The following KIAA1217 variants were observed in gnomAD, a reference collection of about 807,000 sequenced individuals.
The protein encoded by KIAA1217 is KIAA1217.
KIAA1217 carries 88 observed loss-of-function variants against 163.9 expected under a neutral mutation model. That is an observed-to-expected ratio of 0.54 (90% CI 0.45 to 0.64). The LOEUF (loss-of-function observed/expected upper bound fraction) is 0.64, where lower values mean the gene tolerates loss of function less well. Among genes scored for constraint, KIAA1217 ranks in the 30% least tolerant of loss-of-function variants. KIAA1217 has a pLI of 0.00. For missense variants in KIAA1217, 2,372 were observed against 2,475.0 expected (o/e 0.96, Z 0.88); for synonymous variants, 903 against 923.1 (o/e 0.98, Z 0.39).
rs1564869428 is a variant in KIAA1217 at position 24,528,102 on chromosome 10, A to C, written c.3065A>C (p.Asp1022Ala). The change falls in exon 14 of 21, where the codon GAC becomes GCC. Residue 1022 changes from aspartate to alanine, a missense_variant. By Grantham distance (126) the Asp-to-Ala change is moderately radical. Transcript: ENST00000376454. ...CTGCCAAGGGGAGATGCCCCAGTGG[A>C]CAAGGTGGAACTTTCAGGTAAGTTC... ...GPLPRGDAPV[D>A]KVELSEDSPN... 6 of 1,613,962 alleles carry C rather than the reference A, an allele frequency of 3.7e-6. No homozygotes were observed. The highest frequency in any genetic ancestry group is 1.7e-4 in the Middle Eastern group (1 of 6,056).
intron 1 of KIAA1217, among the ~76,000 whole-genome samples, chr10:23,773,961 T>A (rs1293829630): frequency 3.9e-5 from 6 of 152,164 alleles, no homozygotes; most frequent in Non-Finnish European, 7.3e-5. Flanking sequence ...TTCCTTCTCC[T>A]GCCTAATTGC....
At chr10:23,839,290 T>G (rs1213562968) in intron 1 of KIAA1217, among the ~76,000 whole-genome samples, 1 of 152,222 alleles carries the variant, frequency 6.6e-6, no homozygotes, top group East Asian at 1.9e-4. Flanking sequence ...ACAATCTTCT[T>G]GTGAATCTTG....
At chr10:24,444,209 A>T (rs2060732680) in intron 5 of KIAA1217, among the ~76,000 whole-genome samples, 1 of 152,114 alleles carries the variant, frequency 6.6e-6, no homozygotes, top group Non-Finnish European at 1.5e-5. Context: ...ACGGGGTTTC[A>T]CCACGTTGAC....
intron 2 of KIAA1217, among the ~76,000 whole-genome samples, chr10:24,376,848 C>T (rs1162991089): frequency 6.6e-6 from 1 of 152,254 alleles, no homozygotes; most frequent in East Asian, 1.9e-4. Flanking sequence ...TTGCTCCTTT[C>T]ATTTGGTAGA....
chr10:23,858,503 C>T (rs781008935), intron 1 of KIAA1217, among the ~76,000 whole-genome samples: 12 of 151,762 alleles, frequency 7.9e-5, no homozygotes, highest in Non-Finnish European at 1.6e-4. Context: ...ACACACACAT[C>T]TTTAGAGCAG....
intron 13 of KIAA1217, among the ~76,000 whole-genome samples, chr10:24,526,062 C>G (rs981277876): frequency 6.6e-6 from 1 of 152,182 alleles, no homozygotes; most frequent in East Asian, 1.9e-4. Context: ...ACCAGTGCTC[C>G]GATAACACAT....
chr10:23,752,213 T>G (rs902652905), intron 1 of KIAA1217, among the ~76,000 whole-genome samples: 5 of 152,238 alleles, frequency 3.3e-5, no homozygotes, highest in African/African-American at 1.2e-4. Flanking sequence ...TCTTGGAATT[T>G]CGCTAATTAG....
intron 1 of KIAA1217, among the ~76,000 whole-genome samples, chr10:23,858,909 T>C (rs1839830871): frequency 6.6e-6 from 1 of 152,222 alleles, no homozygotes. Flanking sequence ...TCGTCCTTAC[T>C]TAGATATAAA....
chr10:24,172,495 C>A (rs558418639), intron 2 of KIAA1217, among the ~76,000 whole-genome samples: 1 of 152,162 alleles, frequency 6.6e-6, no homozygotes, highest in African/African-American at 2.4e-5. Flanking sequence ...AGCTGAGTTA[C>A]CTTAGAAAAG....
intron 2 of KIAA1217, among the ~76,000 whole-genome samples, chr10:24,266,347 G>A (rs2076236640): frequency 6.6e-6 from 1 of 152,148 alleles, no homozygotes; most frequent in African/African-American, 2.4e-5. Flanking sequence ...CCAAAGTTCT[G>A]CAATTACAGG....
chr10:24,019,934 A>C (rs1300847438), intron 2 of KIAA1217, among the ~76,000 whole-genome samples: 1 of 152,046 alleles, frequency 6.6e-6, no homozygotes. Context: ...AAGGACCCCC[A>C]AAATTCAAAG....
At chr10:23,886,556 A>T (rs1359973321) in intron 1 of KIAA1217, among the ~76,000 whole-genome samples, 3 of 151,990 alleles carry the variant, frequency 2.0e-5, no homozygotes, top group Non-Finnish European at 4.4e-5. Context: ...CATTTTTAAC[A>T]GGCTCGCTAG....
In KIAA1217 at chr10:23,857,821, G is replaced by A. The variant is rs540233857; in HGVS notation, c.-320-149404G>A. On this transcript the variant is annotated intron_variant, in intron 1 of 18. Coordinates refer to the KIAA1217 transcript ENST00000376462. ...TATTTAGATTTATGGATGAATGTATGTTCATATATATGTATGTATTTATAG... is the reference window on the plus strand; with the variant it reads ...TATTTAGATTTATGGATGAATGTATATTCATATATATGTATGTATTTATAG... 4.6e-5 allele frequency among the ~76,000 whole-genome samples: 7 copies of A among 152,084 alleles called. No individual in the cohort carries two copies. The East Asian group carries it at 9.7e-4, about 21-fold the overall frequency.
intron 1 of KIAA1217, among the ~76,000 whole-genome samples, chr10:23,855,418 C>A (rs1207415594): frequency 6.6e-6 from 1 of 152,170 alleles, no homozygotes; most frequent in Non-Finnish European, 1.5e-5. Flanking sequence ...TTGTGGGTAA[C>A]CCGACCTTTC....
intron 1 of KIAA1217, among the ~76,000 whole-genome samples, chr10:23,730,136 C>T (rs1044432419): frequency 6.6e-6 from 1 of 152,072 alleles, no homozygotes; most frequent in Admixed American, 6.6e-5. Flanking sequence ...CTCCTGACCT[C>T]GTGATCTGCC....
chr10:24,081,476 G>A (rs971166283), intron 2 of KIAA1217, among the ~76,000 whole-genome samples: 3 of 152,154 alleles, frequency 2.0e-5, no homozygotes, highest in Non-Finnish European at 4.4e-5. Flanking sequence ...TCCCAAGACA[G>A]CCTGACTCAT....
At chr10:24,296,129 G>T (rs1438260700) in intron 2 of KIAA1217, among the ~76,000 whole-genome samples, 3 of 151,920 alleles carry the variant, frequency 2.0e-5, no homozygotes, top group African/African-American at 7.3e-5. Flanking sequence ...TTGGAGACAG[G>T]GGCCCACTCT....
intron 2 of KIAA1217, among the ~76,000 whole-genome samples, chr10:24,016,534 C>T (rs1847485413): frequency 6.6e-6 from 1 of 152,098 alleles, no homozygotes; most frequent in African/African-American, 2.4e-5. Context: ...AAGATGTCAA[C>T]ACAACTATTA....
chr10:23,963,181 G>A (rs547389734), intron 1 of KIAA1217, among the ~76,000 whole-genome samples: 107 of 152,192 alleles, frequency 7.0e-4, no homozygotes, highest in South Asian at 2.1e-3. Flanking sequence ...TTTGTTATAT[G>A]GGTATACACG....
Sources: allele counts gnomAD v4.1 joint callset (sites outside exome capture counted in the v4.1 genomes callset), GRCh38; gene constraint gnomAD v4.1.1; transcripts MANE v1.5; gene names NCBI Gene and HGNC (gene_info 2026-07-23, HGNC 2026-07-21).